TGM3: variants seen among roughly 807,000 people sequenced by gnomAD.
TGM3 encodes protein-glutamine gamma-glutamyltransferase E.
TGM3 carries 52 observed loss-of-function variants against 73.8 expected under a neutral mutation model. The ratio of observed to expected loss-of-function variants is 0.70; its 90% CI spans 0.56 to 0.89. The LOEUF (loss-of-function observed/expected upper bound fraction) is 0.89. TGM3 is among the 40% of genes least tolerant of loss of function. The pLI is 0.00. For synonymous variants in TGM3, 372 were observed against 354.9 expected, an observed-to-expected ratio of 1.05 and a Z score of -0.54; for missense variants, 928 against 909.9, an observed-to-expected ratio of 1.02 and a Z score of -0.26.
intron 9 of TGM3, among the ~76,000 whole-genome samples, chr20:2,329,876 A>G (rs146268629): frequency 1.3e-5 from 2 of 152,334 alleles, no homozygotes; most frequent in Non-Finnish European, 1.5e-5. Flanking sequence ...ATCTTTATCA[A>G]TTTGAACCTC....
At chr20:2,324,196 G>C (rs1392360782) in intron 7 of TGM3, among the ~76,000 whole-genome samples, 1 of 151,714 alleles carries the variant, frequency 6.6e-6, no homozygotes, top group Non-Finnish European at 1.5e-5. Context: ...GCTTTTTCCA[G>C]TTAAAATTTT....
intron 1 of TGM3, among the ~76,000 whole-genome samples, chr20:2,307,909 G>T (rs542334485): frequency 6.6e-6 from 1 of 152,100 alleles, no homozygotes; most frequent in South Asian, 2.1e-4. Context: ...CAAGCAGTGT[G>T]CTAGGCATCA....
chr20:2,340,396 T>G, intron 12 of TGM3, 38 bp from the exon 13 acceptor site: 1 of 1,611,924 alleles, frequency 6.2e-7, no homozygotes, highest in Non-Finnish European at 8.5e-7. Context: ...AAGGTCCGTG[T>G]GTCTCGTATC....
At chr20:2,312,561 C>T (rs2084211650) in intron 4 of TGM3, among the ~76,000 whole-genome samples, 1 of 152,100 alleles carries the variant, frequency 6.6e-6, no homozygotes, top group Non-Finnish European at 1.5e-5. Flanking sequence ...CAAGCCACCT[C>T]CCATGCATTC....
chr20:2,296,988 G>A (rs1339964457), intron 1 of TGM3, among the ~76,000 whole-genome samples: 1 of 152,228 alleles, frequency 6.6e-6, no homozygotes, highest in Non-Finnish European at 1.5e-5. Context: ...TACTTCAGAA[G>A]CCACAAAAAC....
Position 2,328,519 on chromosome 20 carries a change from C to T in TGM3, c.1333+154C>T, listed in dbSNP as rs45465898. On this transcript the variant is annotated intron_variant, in intron 9 of 12. Transcript: ENST00000381458. The surrounding 1 kb of genome is among the most constrained non-coding windows in gnomAD (Gnocchi z 5.2). ...GCTCCCTAGCACCTAACATCCACCT[C>T]CCAGGACTGTTTCCGGAGGGAACAA... Among the ~76,000 whole-genome samples, 99 of 152,334 alleles carry T rather than the reference C, an allele frequency of 6.5e-4. No homozygotes were observed. In the East Asian group the frequency reaches 0.018, roughly 28 times the overall value.
chr20:2,313,148 G>T, intron 5 of TGM3, 122 bp downstream of exon 5: 1 of 1,379,134 alleles, frequency 7.3e-7, no homozygotes, highest in Non-Finnish European at 9.9e-7. Flanking sequence ...ACAGCTGGTG[G>T]TTAGAACCAT....
intron 1 of TGM3, among the ~76,000 whole-genome samples, chr20:2,300,948 G>A (rs2084143306): frequency 6.6e-6 from 1 of 152,052 alleles, no homozygotes; most frequent in Non-Finnish European, 1.5e-5. Flanking sequence ...GAGAGAAGAT[G>A]TTCCAGGTCT....
chr20:2,300,793 C>T (rs2084141705), intron 1 of TGM3, among the ~76,000 whole-genome samples: 1 of 152,300 alleles, frequency 6.6e-6, no homozygotes, highest in Non-Finnish European at 1.5e-5. Flanking sequence ...TCCTCAATAG[C>T]AGCCCATTAA....
chr20:2,296,511 G>A (rs924438979), intron 1 of TGM3, among the ~76,000 whole-genome samples: 1 of 152,132 alleles, frequency 6.6e-6, no homozygotes, highest in Non-Finnish European at 1.5e-5. Context: ...GGGAGTGAGA[G>A]TGGTAACATG....
chr20:2,324,616 GTCAC>G (rs1158675396), intron 7 of TGM3, among the ~76,000 whole-genome samples: 1 of 152,122 alleles, frequency 6.6e-6, no homozygotes, highest in Non-Finnish European at 1.5e-5. Flanking sequence ...ATGATTGAGG[GTCAC>G]CTAGAGGTTT....
intron 9 of TGM3, among the ~76,000 whole-genome samples, chr20:2,329,256 A>G (rs2122242818): frequency 6.6e-6 from 1 of 152,342 alleles, no homozygotes; most frequent in South Asian, 2.1e-4. Context: ...CCCACAAAGT[A>G]AGCCCTGAAT....
rs1010592062 is a variant in TGM3, at chr20:2,332,712, C to T, written c.1642+402C>T. 1.3e-5 allele frequency among the ~76,000 whole-genome samples: 2 copies of T among 152,178 alleles called. No individual in the cohort carries two copies. The highest frequency in any genetic ancestry group is 6.5e-5 in the Admixed American group (1 of 15,270). On this transcript the variant is annotated intron_variant, in intron 10 of 12. Transcript: ENST00000381458. The surrounding 1 kb of genome is among the most constrained non-coding windows in gnomAD (Gnocchi z 4.4). ...GTGACTTGCTTCGGAGATAAAGTATCATAGATAGTAGTGGTAGTGCTGAGT... is the reference window on the plus strand; with the variant it reads ...GTGACTTGCTTCGGAGATAAAGTATTATAGATAGTAGTGGTAGTGCTGAGT...
At chr20:2,322,997 T>G (rs2084269589) in intron 7 of TGM3, among the ~76,000 whole-genome samples, 1 of 152,236 alleles carries the variant, frequency 6.6e-6, no homozygotes, top group Non-Finnish European at 1.5e-5. Context: ...TCTCCAATGT[T>G]TTATGTATAA....
intron 1 of TGM3, among the ~76,000 whole-genome samples, chr20:2,300,257 G>A (rs374915714): frequency 8.6e-6 from 1 of 115,844 alleles, no homozygotes; most frequent in East Asian, 2.9e-4. Flanking sequence ...AGAAAGAAAA[G>A]AGAGGAGAAG....
chr20:2,336,822 A>G (rs1157995265), intron 11 of TGM3, among the ~76,000 whole-genome samples: 5 of 151,996 alleles, frequency 3.3e-5, no homozygotes, highest in African/African-American at 1.2e-4. Flanking sequence ...GACACTGAGC[A>G]GGTCCCTTAA....
chr20:2,332,922 G>A lies in TGM3; in HGVS notation c.1642+612G>A, dbSNP rs369415010. Among the ~76,000 whole-genome samples, 10 of 152,180 alleles carry A rather than the reference G, an allele frequency of 6.6e-5. No individual in the cohort carries two copies. The highest frequency in any genetic ancestry group is 2.2e-4 in the African/African-American group (9 of 41,440). ...GCCCTCCCACAGCTGCCACGGGGTG[G>A]GTGGACCTTCTGGAATCCTGACAAC... On this transcript the variant is annotated intron_variant, in intron 10 of 12. Coordinates refer to ENST00000381458, the MANE Select transcript of TGM3 (RefSeq NM_003245.4). This position sits in a 1 kb window ranked among gnomAD's most constrained non-coding sequence, Gnocchi z 4.4.
chr20:2,339,619 A>G (rs2084369393), intron 11 of TGM3, among the ~76,000 whole-genome samples: 1 of 152,092 alleles, frequency 6.6e-6, no homozygotes, highest in Non-Finnish European at 1.5e-5. Flanking sequence ...CTTCCCCCTC[A>G]AAGCTGAGGT....
At chr20:2,313,123 A>G (rs570293322) in intron 5 of TGM3, 97 bp downstream of exon 5, 2 of 1,519,254 alleles carry the variant, frequency 1.3e-6, no homozygotes. Flanking sequence ...TCATCTCATT[A>G]AAGCCTCACC....
Sources: allele counts gnomAD v4.1 joint callset (sites outside exome capture counted in the v4.1 genomes callset), GRCh38; gene constraint gnomAD v4.1.1; non-coding constraint Gnocchi (gnomAD v3.1); transcripts MANE v1.5; gene names NCBI Gene and HGNC (gene_info 2026-07-23, HGNC 2026-07-21).